The following PNPT1 variants were observed in gnomAD, a reference collection of about 807,000 sequenced individuals.
PNPT1 encodes the protein polyribonucleotide nucleotidyltransferase 1, mitochondrial.
A neutral mutation model predicts 119.5 loss-of-function variants in PNPT1; 53 were observed. The ratio of observed to expected loss-of-function variants is 0.44; its 90% CI spans 0.36 to 0.56. PNPT1 has a LOEUF of 0.56. Ranked by LOEUF, PNPT1 falls within the 20% of genes least tolerant of loss-of-function variation. PNPT1 has a pLI of 0.00. For missense variants in PNPT1, 948 were observed against 938.5 expected (o/e 1.01, Z -0.13); for synonymous variants, 357 against 322.1 (o/e 1.11, Z -1.16).
chr2:55,667,880 A>G lies in PNPT1; in HGVS notation c.1055T>C (p.Val352Ala). The change falls in exon 12 of 28, where the codon GTT becomes GCT. Residue 352 changes from valine (V) to alanine (A), a missense_variant. Physicochemically the swap from Val to Ala is moderately conservative, Grantham distance 64. Transcript: ENST00000447944. ...VVAKEVFRSI[V>A]LNEYKRCDGR... ...TGTTTACCTTTTGTATTCATTCAAA[A>G]CAATACTTCTAAAAACTTCCTTTGC... The G allele has an allele frequency of 6.3e-7, 1 of 1,597,680 alleles. No homozygotes were observed. Among genetic ancestry groups the G allele is most frequent in the Non-Finnish European group, 8.5e-7 (1 of 1,175,644 alleles).
In PNPT1 at chr2:55,640,621, T is replaced by A. The variant is rs374690825; in HGVS notation, c.2148+6A>T. The A allele has an allele frequency of 4.0e-5, 63 of 1,567,176 alleles. No homozygotes were observed. The African/African-American group carries it at 7.9e-4, about 20-fold the overall frequency. ...AAAATAATAACAATAACATCTGTCT[T>A]TTTACCTTTCGTTGATCAAGTTGTG... On this transcript the variant is annotated splice_donor_region_variant and intron_variant, in intron 26 of 27. Coordinates refer to ENST00000447944, the MANE Select transcript of PNPT1 (RefSeq NM_033109.5).
intron 25 of PNPT1, among the ~76,000 whole-genome samples, chr2:55,641,740 T>G (rs931513152): frequency 2.6e-5 from 4 of 152,216 alleles, no homozygotes; most frequent in Non-Finnish European, 5.9e-5. Flanking sequence ...TTTGAACATT[T>G]TTGCTACATT....
At chr2:55,660,315 CTG>C in intron 14 of PNPT1, 122 bp from the exon 15 acceptor site, 1 of 1,001,918 alleles carries the variant, frequency 1.0e-6, no homozygotes, top group Non-Finnish European at 1.4e-6. Context: ...AAAAATCAGA[CTG>C]AAACTGAAAA....
At position 55,667,020 on chromosome 2, in the gene PNPT1, A is replaced by C. The variant is rs767953053; in HGVS notation, c.1147T>G (p.Ser383Ala). 9 of 1,600,622 alleles carry C rather than the reference A, an allele frequency of 5.6e-6. No homozygotes were observed. The Admixed American group carries it at 1.6e-4, about 28-fold the overall frequency. Residue 383 changes from serine (S) to alanine (A), a missense_variant, in exon 13 of 28, where the codon TCA becomes GCA. Physicochemically the swap from Ser to Ala is moderately conservative, Grantham distance 99. Coordinates refer to ENST00000447944, the MANE Select transcript of PNPT1 (RefSeq NM_033109.5). ...GTTTGTCCTCTTTGAAATAATGCTG[A>C]TCCATGAAGGGTTTTAAACATATCT... Reference protein sequence around the residue: ...EVDMFKTLHGSALFQRGQTQV... With the variant: ...EVDMFKTLHGAALFQRGQTQV...
At chr2:55,663,772 A>G (rs1302197644) in intron 13 of PNPT1, among the ~76,000 whole-genome samples, 1 of 151,926 alleles carries the variant, frequency 6.6e-6, no homozygotes, top group African/African-American at 2.4e-5. Flanking sequence ...AGGTCAGGAG[A>G]TAGAGACCAT....
At chr2:55,665,975 A>G (rs912080873) in intron 13 of PNPT1, among the ~76,000 whole-genome samples, 6 of 152,230 alleles carry the variant, frequency 3.9e-5, no homozygotes, top group African/African-American at 1.4e-4. Flanking sequence ...AAGAATAGAA[A>G]AAGAATAGAA....
In PNPT1 at chr2:55,689,667, G is replaced by C. The variant is rs1697528041; in HGVS notation, c.162-1962C>G. The stretch of plus-strand genomic sequence containing the variant: ...ATAGGCAAATCCACAGCGATGGAAA[G>C]TAGATTAGTGGTTACCTGGGGCTGG... On this transcript the variant is annotated intron_variant, in intron 1 of 27. Transcript: ENST00000447944. 3.3e-5 allele frequency among the ~76,000 whole-genome samples: 5 copies of C among 152,320 alleles called. No homozygotes were observed. In the South Asian group the frequency reaches 1.0e-3, roughly 32 times the overall value.
chr2:55,641,091 G>A (rs552089384), intron 25 of PNPT1, among the ~76,000 whole-genome samples: 88 of 151,984 alleles, frequency 5.8e-4, no homozygotes, highest in African/African-American at 2.0e-3. Flanking sequence ...GGGCCTGGTG[G>A]CGCGCACCTG....
intron 13 of PNPT1, among the ~76,000 whole-genome samples, chr2:55,663,855 C>T (rs1023583321): frequency 2.0e-5 from 3 of 151,926 alleles, no homozygotes; most frequent in Non-Finnish European, 4.4e-5. Context: ...TGGTGGCAGC[C>T]GCCTATAGTC....
intron 25 of PNPT1, 52 bp downstream of exon 25, chr2:55,643,106 C>T (rs1452196226): frequency 6.3e-7 from 1 of 1,592,926 alleles, no homozygotes; most frequent in East Asian, 2.2e-5. Flanking sequence ...AGGGTGAGAC[C>T]CTGTCTCTAA....
Position 55,687,635 on chromosome 2 carries a change from G to T in PNPT1, c.222+10C>A. 1 of 1,559,566 alleles carries T rather than the reference G, an allele frequency of 6.4e-7. No homozygotes were observed. The highest frequency in any genetic ancestry group is 8.6e-7 in the Non-Finnish European group (1 of 1,157,470). ...TTTTAAGATGAATTTTAAAAATCTG[G>T]ACTTTTTACCTGTACTACAGCAGAG... On this transcript the variant is annotated intron_variant, in intron 2 of 27. Coordinates refer to ENST00000447944, the MANE Select transcript of PNPT1 (RefSeq NM_033109.5).
chr2:55,660,094 AC>A (rs1696515767), intron 15 of PNPT1, 62 bp downstream of exon 15: 2 of 1,464,618 alleles, frequency 1.4e-6, no homozygotes, highest in Non-Finnish European at 1.8e-6. Context: ...ACAGGGTGAG[AC>A]CTCGTCTCAC....
chr2:55,650,281 T>C (rs11902712), intron 18 of PNPT1, among the ~76,000 whole-genome samples: 21,418 of 152,148 alleles, frequency 0.14, 3,060 homozygotes, highest in African/African-American at 0.37. Context: ...TGCCTGCGAT[T>C]GCAGGCGCGC....
intron 8 of PNPT1, among the ~76,000 whole-genome samples, chr2:55,674,117 T>C (rs1046823198): frequency 6.6e-6 from 1 of 152,236 alleles, no homozygotes; most frequent in African/African-American, 2.4e-5. Context: ...TGTCTAATTC[T>C]TGCACAGATG....
chr2:55,662,834 G>A (rs1429840091), intron 13 of PNPT1, among the ~76,000 whole-genome samples: 1 of 152,006 alleles, frequency 6.6e-6, no homozygotes, highest in Non-Finnish European at 1.5e-5. Flanking sequence ...ACCAGGAATG[G>A]AGGCTGATTC....
chr2:55,679,264 A>T (rs1454657866), intron 8 of PNPT1, among the ~76,000 whole-genome samples: 1 of 152,228 alleles, frequency 6.6e-6, no homozygotes, highest in African/African-American at 2.4e-5. Context: ...AAGCAGACTT[A>T]GAATGAAATA....
At chr2:55,687,496 T>C in intron 2 of PNPT1, 149 bp downstream of exon 2, 1 of 618,346 alleles carries the variant, frequency 1.6e-6, no homozygotes, top group Non-Finnish European at 2.7e-6. Flanking sequence ...TTGTCTGGAA[T>C]GATTCTTGCA....
intron 26 of PNPT1, among the ~76,000 whole-genome samples, chr2:55,640,256 C>A (rs560725499): frequency 6.6e-6 from 1 of 152,042 alleles, no homozygotes; most frequent in East Asian, 1.9e-4. Flanking sequence ...CGGGTTCAAG[C>A]GATTCTCCTT....
At chr2:55,672,796 G>T in intron 9 of PNPT1, 97 bp downstream of exon 9, 1 of 1,137,336 alleles carries the variant, frequency 8.8e-7, no homozygotes, top group Non-Finnish European at 1.2e-6. Context: ...TATTTATGAA[G>T]TAATGCATGG....
Sources: gnomAD v4.1 joint callset for allele counts (sites outside exome capture counted in the v4.1 genomes callset) on GRCh38, gnomAD v4.1.1 for gene constraint, MANE v1.5 for transcripts, NCBI Gene and HGNC (gene_info 2026-07-23, HGNC 2026-07-21) for gene names.